Variants in MYO1E observed in about 807,000 individuals in gnomAD.
MYO1E encodes the protein myosin IE.
Under a neutral mutation model 151.1 loss-of-function variants are expected in MYO1E, and 68 were observed. The ratio of observed to expected loss-of-function variants is 0.45; its 90% CI spans 0.37 to 0.55. The LOEUF is 0.55. Among genes scored for constraint, MYO1E ranks in the 20% least tolerant of loss-of-function variants. The pLI is 0.00. For missense variants in MYO1E, 1,363 were observed against 1,389.3 expected, an observed-to-expected ratio of 0.98 and a Z score of 0.30; for synonymous variants, 601 against 501.7, an observed-to-expected ratio of 1.20 and a Z score of -2.64.
At chr15:59,183,689 C>G (rs1324220801) in intron 18 of MYO1E, among the ~76,000 whole-genome samples, 3 of 152,174 alleles carry the variant, frequency 2.0e-5, no homozygotes, top group Non-Finnish European at 4.4e-5. Context: ...TGAAATCCAA[C>G]TATACTCTTT....
At chr15:59,365,501 C>T (rs780921462) in intron 1 of MYO1E, among the ~76,000 whole-genome samples, 13 of 152,112 alleles carry the variant, frequency 8.5e-5, no homozygotes, top group Admixed American at 8.5e-4. Flanking sequence ...TAGATCTGCA[C>T]TGGATCAGAT....
In MYO1E at chr15:59,203,565, G is replaced by A. The variant is rs750124613; in HGVS notation, c.1617-1158C>T. 3.3e-5 allele frequency among the ~76,000 whole-genome samples: 5 copies of A among 152,088 alleles called. No homozygotes were observed. In the South Asian group the frequency reaches 8.3e-4, roughly 25 times the overall value. ...TAATTTTTGTATCGTTAGTAGAGAC[G>A]GGGTTTCAACATGTTGGCCACAGTG... is the stretch of plus-strand genomic sequence containing the variant. On this transcript the variant is annotated intron_variant, in intron 15 of 27. Coordinates refer to ENST00000288235, the MANE Select transcript of MYO1E (RefSeq NM_004998.4).
chr15:59,241,614 G>C (rs1235869992), intron 4 of MYO1E, among the ~76,000 whole-genome samples: 1 of 152,134 alleles, frequency 6.6e-6, no homozygotes, highest in Non-Finnish European at 1.5e-5. Flanking sequence ...CGAGGCAGGA[G>C]AATCACTTGA....
At chr15:59,177,989 T>C (rs1425783692) in intron 19 of MYO1E, among the ~76,000 whole-genome samples, 1 of 152,192 alleles carries the variant, frequency 6.6e-6, no homozygotes, top group Non-Finnish European at 1.5e-5. Flanking sequence ...GACACTGAAG[T>C]CCCTCTTTAG....
chr15:59,242,352 T>C (rs1404650001), intron 4 of MYO1E, among the ~76,000 whole-genome samples: 5 of 152,146 alleles, frequency 3.3e-5, no homozygotes, highest in Admixed American at 1.3e-4. Context: ...TAAGGAAATG[T>C]ACAGTGACTG....
In MYO1E at chr15:59,207,170, C is replaced by G. The variant is rs200393440; in HGVS notation, c.1530+1511G>C. 58 of 1,614,114 alleles carry G rather than the reference C, an allele frequency of 3.6e-5. No homozygotes were observed. Among genetic ancestry groups the G allele is most frequent in the Non-Finnish European group, 4.4e-5 (52 of 1,180,040 alleles). Reference sequence around the variant, plus strand: ...CACAGTAAGGTCTCCATCATAGGAACTGGATCGGTGGGCATGGCCTGCGCT... The same window carrying G: ...CACAGTAAGGTCTCCATCATAGGAAGTGGATCGGTGGGCATGGCCTGCGCT... On this transcript the variant is annotated intron_variant, in intron 14 of 27. Coordinates refer to ENST00000288235, the MANE Select transcript of MYO1E (RefSeq NM_004998.4).
At chr15:59,270,332 G>A (rs1158440503) in intron 2 of MYO1E, among the ~76,000 whole-genome samples, 2 of 151,966 alleles carry the variant, frequency 1.3e-5, no homozygotes, top group Admixed American at 1.3e-4. Flanking sequence ...CAGGTGGGTT[G>A]CTTGAGCTCA....
chr15:59,226,986 C>T (rs905746704), intron 7 of MYO1E, among the ~76,000 whole-genome samples: 5 of 152,186 alleles, frequency 3.3e-5, no homozygotes, highest in East Asian at 1.9e-4. Context: ...ATCTTTCCTC[C>T]GGTAGCTCAC....
intron 1 of MYO1E, among the ~76,000 whole-genome samples, chr15:59,372,288 G>A (rs2080951075): frequency 6.6e-6 from 1 of 152,170 alleles, no homozygotes; most frequent in Non-Finnish European, 1.5e-5. Context: ...AAACCGACTT[G>A]GAATAAAGTT....
At chr15:59,268,718 G>GTGTTTTTTTTTTTTTTTTTTTT (rs1452818863) in intron 2 of MYO1E, among the ~76,000 whole-genome samples, 2 of 12,044 alleles carry the variant, frequency 1.7e-4, no homozygotes, top group Non-Finnish European at 8.1e-4. Context: ...GGTGACTTTG[G>GTGTTTTTTTTTTTTTTTTTTTT]TATTTTTTTT....
intron 20 of MYO1E, 98 bp from the exon 21 acceptor site, chr15:59,174,013 A>C: frequency 6.6e-7 from 1 of 1,515,338 alleles, no homozygotes; most frequent in Non-Finnish European, 9.2e-7. Flanking sequence ...TAAATGATGC[A>C]ATATTTTTAG....
At chr15:59,329,284 C>T (rs772116633) in intron 1 of MYO1E, among the ~76,000 whole-genome samples, 3 of 152,070 alleles carry the variant, frequency 2.0e-5, no homozygotes, top group Admixed American at 6.5e-5. Context: ...AACACTATGA[C>T]GTAGATACTG....
chr15:59,318,743 G>A (rs1425510695), intron 1 of MYO1E, among the ~76,000 whole-genome samples: 5 of 152,110 alleles, frequency 3.3e-5, no homozygotes, highest in African/African-American at 4.8e-5. Flanking sequence ...AGGACTTCAC[G>A]TGCACCAATT....
chr15:59,207,324 T>C (rs1410286653), intron 14 of MYO1E: 3 of 1,614,096 alleles, frequency 1.9e-6, no homozygotes, highest in African/African-American at 1.3e-5. Flanking sequence ...ATATTGTTTG[T>C]AGCAAAGATT....
chr15:59,211,542 C>A (rs886399420), intron 12 of MYO1E, among the ~76,000 whole-genome samples: 1 of 152,138 alleles, frequency 6.6e-6, no homozygotes, highest in South Asian at 2.1e-4. Flanking sequence ...TACCTCGCCA[C>A]GGGGTTCCAG....
In MYO1E at chr15:59,328,620, T is replaced by G. The variant is rs565759327; in HGVS notation, c.3+43878A>C. ...TAAAGGACATACACAACTCCAGCTGTGCAGAGATGACCCTGATCAGAATAC... is the reference window on the plus strand; with the variant it reads ...TAAAGGACATACACAACTCCAGCTGGGCAGAGATGACCCTGATCAGAATAC... On this transcript the variant is annotated intron_variant, in intron 1 of 27. Coordinates refer to ENST00000288235, the MANE Select transcript of MYO1E (RefSeq NM_004998.4). 7.6e-4 allele frequency among the ~76,000 whole-genome samples: 115 copies of G among 152,292 alleles called. 1 individual carries two copies. The highest frequency in any genetic ancestry group is 7.4e-3 in the Admixed American group (113 of 15,294).
intron 1 of MYO1E, among the ~76,000 whole-genome samples, chr15:59,365,873 C>T (rs1444927003): frequency 2.6e-5 from 4 of 152,168 alleles, no homozygotes; most frequent in Non-Finnish European, 5.9e-5. Context: ...CTGGAAACAC[C>T]TGAGAGGGAT....
At chr15:59,352,730 CTTCTA>C (rs1274414276) in intron 1 of MYO1E, among the ~76,000 whole-genome samples, 1 of 152,186 alleles carries the variant, frequency 6.6e-6, no homozygotes, top group Non-Finnish European at 1.5e-5. Flanking sequence ...AGCAGATTCT[CTTCTA>C]TTCAACAGTG....
intron 7 of MYO1E, among the ~76,000 whole-genome samples, chr15:59,225,938 A>G (rs756973386): frequency 2.6e-5 from 4 of 151,906 alleles, no homozygotes; most frequent in South Asian, 4.1e-4. Context: ...GAGCCACCGC[A>G]CCCAGCCAAG....
Sources: allele counts gnomAD v4.1 joint callset (sites outside exome capture counted in the v4.1 genomes callset), GRCh38; gene constraint gnomAD v4.1.1; transcripts MANE v1.5; gene names NCBI Gene and HGNC (gene_info 2026-07-23, HGNC 2026-07-21).